Variants in PSMD1 observed in about 807,000 individuals in gnomAD.
The protein encoded by PSMD1 is 26S proteasome non-ATPase regulatory subunit 1.
A neutral mutation model predicts 119.0 loss-of-function variants in PSMD1; 18 were observed. That is an observed-to-expected ratio of 0.15 (90% CI 0.10 to 0.22). PSMD1 has a LOEUF of 0.22. Among genes scored for constraint, PSMD1 ranks in the 10% least tolerant of loss-of-function variants. The probability of loss-of-function intolerance (pLI) is 1.00; values close to 1 mark genes in which losing one functional copy is unlikely to be tolerated. For synonymous variants in PSMD1, 374 were observed against 396.6 expected (o/e 0.94, Z 0.68); for missense variants, 702 against 1,158.5 (o/e 0.61, Z 5.72).
intron 7 of PSMD1, 79 bp from the exon 8 acceptor site, chr2:231,075,432 A>G (rs1415468057): frequency 3.1e-6 from 4 of 1,289,740 alleles, no homozygotes; most frequent in East Asian, 4.8e-5. Flanking sequence ...AAAATATTCA[A>G]TTTGGACATG....
At chr2:231,091,716 G>T (rs953560621) in intron 16 of PSMD1, among the ~76,000 whole-genome samples, 1 of 152,096 alleles carries the variant, frequency 6.6e-6, no homozygotes, top group African/African-American at 2.4e-5. Context: ...TTTGTTGGGC[G>T]TGTAGATCTA....
chr2:231,060,716 A>G (rs1438594304), intron 1 of PSMD1, among the ~76,000 whole-genome samples: 3 of 152,242 alleles, frequency 2.0e-5, no homozygotes, highest in African/African-American at 4.8e-5. Flanking sequence ...AAGAGGTGCC[A>G]TAATATACAC....
Position 231,172,798 on chromosome 2 carries a change from T to C in PSMD1, c.*273T>C, listed in dbSNP as rs544548029. ...AGCCTGGGTTTTTAATAAATGTATC[T>C]AATCCTCCCCACACCATGAAATGCC... is the stretch of plus-strand genomic sequence containing the variant. On this transcript the variant is annotated 3_prime_UTR_variant, in exon 25 of 25. Transcript: ENST00000308696. 6.6e-6 allele frequency: 1 copy of C among 152,194 alleles called. No individual in the cohort carries two copies. Among genetic ancestry groups the C allele is most frequent in the Non-Finnish European group, 1.5e-5 (1 of 68,032 alleles). The allele number at this position is 152,194 out of a possible 1,614,324, so 9.4% of individuals were successfully genotyped here.
At chr2:231,145,697 C>G (rs1696236364) in intron 17 of PSMD1, among the ~76,000 whole-genome samples, 1 of 151,738 alleles carries the variant, frequency 6.6e-6, no homozygotes, top group Non-Finnish European at 1.5e-5. Flanking sequence ...AGGTGGAGAC[C>G]AGCCTGGCCA....
At chr2:231,120,691 A>T (rs1189742385) in intron 16 of PSMD1, among the ~76,000 whole-genome samples, 5 of 152,226 alleles carry the variant, frequency 3.3e-5, no homozygotes, top group Non-Finnish European at 7.3e-5. Context: ...TATTTTTAAA[A>T]TTTCATTTTA....
chr2:231,061,355 G>A (rs757465958), intron 2 of PSMD1, 45 bp downstream of exon 2: 1 of 1,421,514 alleles, frequency 7.0e-7, no homozygotes, highest in Admixed American at 2.0e-5. Context: ...TGAATACTGT[G>A]AAGCCTTTTG....
chr2:231,124,808 A>G (rs1269621975), intron 16 of PSMD1, among the ~76,000 whole-genome samples: 2 of 152,148 alleles, frequency 1.3e-5, no homozygotes, highest in South Asian at 2.1e-4. Context: ...TTGTTCATCA[A>G]ATGTACAAAT....
rs1242476163 is a variant in PSMD1 at position 231,070,094 on chromosome 2, C to T, written c.580C>T (p.Arg194Trp). The T allele has an allele frequency of 6.3e-6, 10 of 1,576,202 alleles. No homozygotes were observed. In the Admixed American group the frequency reaches 1.2e-4, roughly 19 times the overall value. The change falls in exon 6 of 25, where the codon CGG becomes TGG. Residue 194 changes from arginine to tryptophan, a missense_variant. Physicochemically the swap from Arg to Trp is moderately radical, Grantham distance 101. This residue lies in a region of PSMD1 where 58 missense variants were observed against 54.0 expected (regional missense o/e 1.07). Transcript: ENST00000308696. ...CMSLMQNKQF[R>W]NKVLRVLVKI... The stretch of plus-strand genomic sequence containing the variant: ...GTCTTTAATGCAGAATAAACAGTTT[C>T]GGAATAAAGTACTAAGAGTTCTAGT...
chr2:231,085,682 C>G lies in PSMD1; in HGVS notation c.1818+568C>G, dbSNP rs1407657096. On this transcript the variant is annotated intron_variant, in intron 15 of 24. Transcript: ENST00000308696. ...CCCCGGGACCCCTAAGGAACATGAT[C>G]TATTACAAGAGATGCACTGCACAGG... is the stretch of plus-strand genomic sequence containing the variant. Among the ~76,000 whole-genome samples, 4 of 134,738 alleles carry G rather than the reference C, an allele frequency of 3.0e-5. No homozygotes were observed. In the East Asian group the frequency reaches 7.3e-4, roughly 25 times the overall value. The allele number at this position is 134,738 out of a possible 152,430, so 88.4% of individuals were successfully genotyped here.
chr2:231,167,993 T>C (rs1696827517), intron 23 of PSMD1, among the ~76,000 whole-genome samples: 1 of 152,214 alleles, frequency 6.6e-6, no homozygotes, highest in African/African-American at 2.4e-5. Flanking sequence ...GGCAGGAGGA[T>C]TGCTTGAGCC....
At chr2:231,112,233 C>T (rs1261519240) in intron 16 of PSMD1, among the ~76,000 whole-genome samples, 2 of 152,154 alleles carry the variant, frequency 1.3e-5, no homozygotes, top group African/African-American at 2.4e-5. Context: ...GCATAAATGA[C>T]TTTATTATAG....
intron 16 of PSMD1, among the ~76,000 whole-genome samples, chr2:231,104,999 ACTT>A (rs933384259): frequency 4.9e-4 from 74 of 152,264 alleles, no homozygotes; most frequent in Admixed American, 4.8e-3. Flanking sequence ...ATTTTTAAAA[ACTT>A]CTTTTCAAGT....
chr2:231,086,790 C>A (rs1694459514), intron 15 of PSMD1, among the ~76,000 whole-genome samples: 2 of 152,258 alleles, frequency 1.3e-5, no homozygotes, highest in Admixed American at 1.3e-4. Flanking sequence ...TTCAAAAATA[C>A]ATGTGGCCAG....
chr2:231,087,097 T>A lies in PSMD1; in HGVS notation c.1819-20T>A. 1 of 1,609,458 alleles carries A rather than the reference T, an allele frequency of 6.2e-7. No individual in the cohort carries two copies. Among genetic ancestry groups the A allele is most frequent in the Non-Finnish European group, 8.5e-7 (1 of 1,176,124 alleles). ...TGGTAGACTACATAGTATAATATAATCTTAAACTTTTCCCCCTAGGTAAGT... is the reference window on the plus strand; with the variant it reads ...TGGTAGACTACATAGTATAATATAAACTTAAACTTTTCCCCCTAGGTAAGT... On this transcript the variant is annotated intron_variant, in intron 15 of 24. Transcript: ENST00000308696.
chr2:231,095,178 C>G (rs1045516514), intron 16 of PSMD1, among the ~76,000 whole-genome samples: 3 of 152,150 alleles, frequency 2.0e-5, no homozygotes, highest in African/African-American at 7.2e-5. Flanking sequence ...GAGTTAAATA[C>G]CTGGGAGAGT....
chr2:231,157,902 A>G (rs1192367553), intron 19 of PSMD1, among the ~76,000 whole-genome samples: 1 of 152,020 alleles, frequency 6.6e-6, no homozygotes, highest in East Asian at 1.9e-4. Flanking sequence ...GTTCACTGTT[A>G]TGAGCATAGA....
chr2:231,167,488 A>G (rs1574781874), intron 23 of PSMD1, among the ~76,000 whole-genome samples: 1 of 152,374 alleles, frequency 6.6e-6, no homozygotes. Context: ...TAGCTATAAC[A>G]GTTGGTCCAC....
chr2:231,114,103 C>T (rs1695252513), intron 16 of PSMD1, among the ~76,000 whole-genome samples: 2 of 152,150 alleles, frequency 1.3e-5, no homozygotes, highest in Admixed American at 1.3e-4. Context: ...TTCAATATTT[C>T]TGTGGATGGT....
intron 19 of PSMD1, among the ~76,000 whole-genome samples, chr2:231,158,322 A>G (rs767633006): frequency 6.6e-6 from 1 of 152,132 alleles, no homozygotes; most frequent in African/African-American, 2.4e-5. Flanking sequence ...AAAAAGAAAA[A>G]AGAAAATTAG....
Sources: gnomAD v4.1 joint callset for allele counts (sites outside exome capture counted in the v4.1 genomes callset) on GRCh38, gnomAD v4.1.1 for gene constraint, gnomAD v4.1.1 regional missense constraint, MANE v1.5 for transcripts, NCBI Gene and HGNC (gene_info 2026-07-23, HGNC 2026-07-21) for gene names.